Variants in CDIN1 observed in about 807,000 individuals in gnomAD.
CDIN1 encodes CDAN1-interacting nuclease 1.
A neutral mutation model predicts 45.3 loss-of-function variants in CDIN1; 33 were observed. The observed-to-expected ratio is 0.73, with a 90% CI of 0.55 to 0.97. CDIN1 has a LOEUF of 0.97. CDIN1 is among the 50% of genes least tolerant of loss of function. The probability of loss-of-function intolerance (pLI) is 0.00; values close to 1 mark genes in which losing one functional copy is unlikely to be tolerated. For missense variants in CDIN1, 303 were observed against 339.4 expected, an observed-to-expected ratio of 0.89 and a Z score of 0.84; for synonymous variants, 118 against 124.4, an observed-to-expected ratio of 0.95 and a Z score of 0.34.
intron 7 of CDIN1, among the ~76,000 whole-genome samples, chr15:36,697,093 C>T (rs1005538897): frequency 1.3e-5 from 2 of 151,616 alleles, no homozygotes; most frequent in African/African-American, 4.8e-5. Context: ...CCACTGCTCT[C>T]CAGCCTGGGC....
intron 1 of CDIN1, among the ~76,000 whole-genome samples, chr15:36,598,378 T>A (rs905584736): frequency 6.6e-6 from 1 of 151,404 alleles, no homozygotes; most frequent in African/African-American, 2.5e-5. Flanking sequence ...AAACAAAAGG[T>A]TTTTTGCTTA....
intron 10 of CDIN1, among the ~76,000 whole-genome samples, chr15:36,774,443 C>G (rs1305716213): frequency 6.6e-6 from 1 of 151,412 alleles, no homozygotes. Flanking sequence ...TTTCACGGAC[C>G]TAGGACAGTC....
At chr15:36,591,159 G>A (rs2037554118) in intron 1 of CDIN1, among the ~76,000 whole-genome samples, 1 of 152,104 alleles carries the variant, frequency 6.6e-6, no homozygotes, top group Non-Finnish European at 1.5e-5. Context: ...CTTCTCTTGT[G>A]GTTGAGATCT....
chr15:36,756,816 C>G (rs966143243), intron 10 of CDIN1, among the ~76,000 whole-genome samples: 1 of 152,064 alleles, frequency 6.6e-6, no homozygotes, highest in Non-Finnish European at 1.5e-5. Flanking sequence ...TGAGGGACCC[C>G]GTAGCATTAC....
chr15:36,754,184 A>G (rs1038038653), intron 10 of CDIN1, among the ~76,000 whole-genome samples: 1 of 152,166 alleles, frequency 6.6e-6, no homozygotes, highest in Non-Finnish European at 1.5e-5. Flanking sequence ...CAAGTGGCCA[A>G]TAACCAGTCT....
chr15:36,614,591 A>G (rs1422454394), intron 1 of CDIN1, among the ~76,000 whole-genome samples: 2 of 152,166 alleles, frequency 1.3e-5, no homozygotes, highest in Non-Finnish European at 2.9e-5. Context: ...TTGGAAGGTG[A>G]CTTTTCACCT....
At chr15:36,651,912 A>T (rs997038599) in intron 3 of CDIN1, among the ~76,000 whole-genome samples, 6 of 152,218 alleles carry the variant, frequency 3.9e-5, no homozygotes, top group African/African-American at 1.4e-4. Flanking sequence ...TTTAAACTTG[A>T]TAGAAGTTCT....
At chr15:36,686,698 G>A (rs1257081344) in intron 5 of CDIN1, among the ~76,000 whole-genome samples, 1 of 151,202 alleles carries the variant, frequency 6.6e-6, no homozygotes. Context: ...TGGCAACATA[G>A]TGAAACCCCG....
intron 10 of CDIN1, among the ~76,000 whole-genome samples, chr15:36,759,137 G>C (rs1259344633): frequency 2.6e-5 from 4 of 152,100 alleles, no homozygotes; most frequent in African/African-American, 7.2e-5. Flanking sequence ...ACCCCACCAA[G>C]ATACATCGAG....
At chr15:36,671,398 G>GTGGA (rs768794829) in intron 5 of CDIN1, among the ~76,000 whole-genome samples, 3 of 152,020 alleles carry the variant, frequency 2.0e-5, no homozygotes, top group Non-Finnish European at 4.4e-5. Flanking sequence ...AGGTTGACAA[G>GTGGA]TGGATGAAAA....
chr15:36,676,743 C>T (rs532174866), intron 5 of CDIN1, among the ~76,000 whole-genome samples: 2 of 152,168 alleles, frequency 1.3e-5, no homozygotes, highest in African/African-American at 4.8e-5. Context: ...CATGTTGGGC[C>T]CCAGTGAGCC....
At chr15:36,697,444 T>A in intron 8 of CDIN1, 54 bp downstream of exon 8, 1 of 1,374,942 alleles carries the variant, frequency 7.3e-7, no homozygotes, top group Non-Finnish European at 1.0e-6. Context: ...AGTGCTTAAA[T>A]ATATATTTTA....
intron 1 of CDIN1, among the ~76,000 whole-genome samples, chr15:36,580,353 A>G (rs1205435111): frequency 1.3e-5 from 2 of 152,170 alleles, no homozygotes; most frequent in Non-Finnish European, 2.9e-5. Flanking sequence ...GACCCTTTTC[A>G]ATTGGCCGTT....
At chr15:36,681,675 A>G (rs920260164) in intron 5 of CDIN1, among the ~76,000 whole-genome samples, 17 of 148,478 alleles carry the variant, frequency 1.1e-4, no homozygotes, top group African/African-American at 3.9e-4. Context: ...AATTACATAT[A>G]TAGGGATTAG....
chr15:36,808,315 T>A lies in CDIN1; in HGVS notation c.717-9T>A. ...CATGTGTGTGTGTTATTTTCTGGTG[T>A]TTTTACAGATTTGGGCCAGGCTTAG... On this transcript the variant is annotated splice_polypyrimidine_tract_variant and intron_variant, in intron 10 of 10. Coordinates refer to ENST00000566621, the MANE Select transcript of CDIN1 (RefSeq NM_001321759.2). The A allele has an allele frequency of 6.2e-7, 1 of 1,613,106 alleles. No homozygotes were observed. The highest frequency in any genetic ancestry group is 1.3e-5 in the African/African-American group (1 of 74,984).
chr15:36,582,897 A>C (rs1028683250), intron 1 of CDIN1, among the ~76,000 whole-genome samples: 3 of 152,214 alleles, frequency 2.0e-5, no homozygotes, highest in African/African-American at 7.2e-5. Flanking sequence ...TTTAAAAATT[A>C]TTATAGGTTG....
rs1227300528 is a variant in CDIN1 at position 36,780,798 on chromosome 15, C to T, written c.717-27526C>T. ...AAGAACACTGAGGCCTGCTCAAGGTCAGAGAACTAGTAAGTGGCCGAGCTA... is the reference window on the plus strand; with the variant it reads ...AAGAACACTGAGGCCTGCTCAAGGTTAGAGAACTAGTAAGTGGCCGAGCTA... On this transcript the variant is annotated intron_variant, in intron 10 of 10. Transcript: ENST00000566621. Among the ~76,000 whole-genome samples, 5 of 152,216 alleles carry T rather than the reference C, an allele frequency of 3.3e-5. No individual in the cohort carries two copies. The South Asian group carries it at 1.0e-3, about 32-fold the overall frequency.
chr15:36,654,490 G>T (rs1377755285), intron 4 of CDIN1, among the ~76,000 whole-genome samples: 1 of 136,216 alleles, frequency 7.3e-6, no homozygotes, highest in African/African-American at 2.7e-5. Context: ...AGAAATACCT[G>T]TGTCAAGTAA....
intron 5 of CDIN1, among the ~76,000 whole-genome samples, chr15:36,678,497 A>G (rs2041729321): frequency 6.6e-6 from 1 of 152,198 alleles, no homozygotes; most frequent in South Asian, 2.1e-4. Flanking sequence ...AGCAGTTTCC[A>G]TATCCATCCA....
Sources: gnomAD v4.1 joint callset for allele counts (sites outside exome capture counted in the v4.1 genomes callset) on GRCh38, gnomAD v4.1.1 for gene constraint, MANE v1.5 for transcripts, NCBI Gene and HGNC (gene_info 2026-07-23, HGNC 2026-07-21) for gene names.